Variants in HTR2C observed in about 807,000 individuals in gnomAD.
HTR2C encodes the protein 5-hydroxytryptamine (serotonin) receptor 2C, G protein-coupled.
In HTR2C, 5 loss-of-function variants were observed where a neutral mutation model predicts 21.0. The observed-to-expected ratio is 0.24, with a 90% CI of 0.12 to 0.50. The LOEUF (loss-of-function observed/expected upper bound fraction) is 0.50. Among genes scored for constraint, HTR2C ranks in the 20% least tolerant of loss-of-function variants. HTR2C has a pLI of 0.98. For missense variants in HTR2C, 271 were observed against 371.2 expected, an observed-to-expected ratio of 0.73 and a Z score of 2.22; for synonymous variants, 150 against 145.3, an observed-to-expected ratio of 1.03 and a Z score of -0.23.
chrX:114,630,038 GAA>G (rs1481970930), intron 2 of HTR2C, among the ~76,000 whole-genome samples: 2 of 105,365 alleles, frequency 1.9e-5, no homozygotes, highest in African/African-American at 6.9e-5. Flanking sequence ...ATAACCAAGA[GAA>G]AAAAAAAAGA....
In HTR2C at chrX:114,858,008, G is replaced by T. The variant is rs370537693; in HGVS notation, c.550+9805G>T. On this transcript the variant is annotated intron_variant, in intron 5 of 5. Transcript: ENST00000276198. ...CAATGGCGTCATTCTCATAAGTCAG[G>T]TTACCTTATATATGTTGTTTCTCCT... Among the ~76,000 whole-genome samples the T allele has an allele frequency of 1.5e-4, 17 of 110,923 alleles. No individual in the cohort carries two copies. The East Asian group carries it at 2.3e-3, about 15-fold the overall frequency.
At chrX:114,853,516 C>A (rs1055929973) in intron 5 of HTR2C, among the ~76,000 whole-genome samples, 3 of 111,548 alleles carry the variant, frequency 2.7e-5, no homozygotes, top group Admixed American at 9.5e-5. Context: ...GGAGTTTATT[C>A]TTGTACGTTG....
chrX:114,648,373 C>T (rs1241927650), intron 2 of HTR2C, among the ~76,000 whole-genome samples: 3 of 111,433 alleles, frequency 2.7e-5, no homozygotes, highest in East Asian at 5.7e-4. Flanking sequence ...TGGAATAACA[C>T]GTCCTGGTCT....
At chrX:114,879,372 A>C (rs2071163250) in intron 5 of HTR2C, among the ~76,000 whole-genome samples, 1 of 110,352 alleles carries the variant, frequency 9.1e-6, no homozygotes, top group South Asian at 3.7e-4. Flanking sequence ...TTTTGTAATT[A>C]AAATATATTG....
intron 4 of HTR2C, among the ~76,000 whole-genome samples, chrX:114,779,212 A>T (rs2070090945): frequency 9.0e-6 from 1 of 111,470 alleles, no homozygotes; most frequent in South Asian, 3.8e-4. Flanking sequence ...GGGAGGCTGC[A>T]GCTGATATCT....
At chrX:114,595,884 A>G (rs782195716) in intron 1 of HTR2C, among the ~76,000 whole-genome samples, 1 of 111,919 alleles carries the variant, frequency 8.9e-6, no homozygotes, top group Non-Finnish European at 1.9e-5. Context: ...TTAGCCAAAC[A>G]AAGTTTCCTT....
chrX:114,779,901 ATGTG>A (rs113113599), intron 4 of HTR2C, among the ~76,000 whole-genome samples: 18 of 106,003 alleles, frequency 1.7e-4, no homozygotes, highest in African/African-American at 6.1e-4. Context: ...GTATATGTAT[ATGTG>A]TGTGTGTGTG....
chrX:114,748,386 C>T (rs1286292942), intron 4 of HTR2C, among the ~76,000 whole-genome samples: 3 of 111,354 alleles, frequency 2.7e-5, no homozygotes, highest in African/African-American at 9.8e-5. Context: ...AAACTCTCAG[C>T]AGGTTTTTTT....
chrX:114,599,197 G>C (rs782419698), intron 1 of HTR2C, among the ~76,000 whole-genome samples: 5 of 90,499 alleles, frequency 5.5e-5, no homozygotes, highest in East Asian at 3.6e-4. Context: ...ATTATGACTT[G>C]TTCTTACTAA....
chrX:114,746,871 G>A lies in HTR2C; in HGVS notation c.349+15264G>A, dbSNP rs782590500. 4.2e-3 allele frequency among the ~76,000 whole-genome samples: 471 copies of A among 111,362 alleles called. 3 individuals are homozygous for A. The highest frequency in any genetic ancestry group is 0.014 in the African/African-American group (440 of 30,660). The stretch of plus-strand genomic sequence containing the variant: ...ATGGTGGCGGGCGCCTGTAGTCCCA[G>A]CTACTTGGGAGGCTGAGGCAGGAGA... On this transcript the variant is annotated intron_variant, in intron 4 of 5. Transcript: ENST00000276198.
At chrX:114,671,370 C>T (rs1004359878) in intron 2 of HTR2C, among the ~76,000 whole-genome samples, 1 of 111,849 alleles carries the variant, frequency 8.9e-6, no homozygotes, top group Non-Finnish European at 1.9e-5. Flanking sequence ...ATCCCAGATG[C>T]CTGATCTCCA....
intron 2 of HTR2C, among the ~76,000 whole-genome samples, chrX:114,664,318 A>G (rs1390039433): frequency 9.0e-6 from 1 of 111,195 alleles, no homozygotes; most frequent in Non-Finnish European, 1.9e-5. Flanking sequence ...TCAACCCATC[A>G]CCTAGGTATT....
At chrX:114,638,877 A>C (rs1443778910) in intron 2 of HTR2C, among the ~76,000 whole-genome samples, 1 of 108,730 alleles carries the variant, frequency 9.2e-6, no homozygotes, top group African/African-American at 3.3e-5. Flanking sequence ...ATGGCTGCAT[A>C]GTATTCCATG....
chrX:114,845,035 G>C (rs1211370057), intron 4 of HTR2C, among the ~76,000 whole-genome samples: 2 of 111,084 alleles, frequency 1.8e-5, no homozygotes, highest in Non-Finnish European at 3.8e-5. Flanking sequence ...GACAGATACA[G>C]AACATTCCAT....
chrX:114,638,397 A>G (rs1044944982), intron 2 of HTR2C, among the ~76,000 whole-genome samples: 3 of 111,736 alleles, frequency 2.7e-5, no homozygotes, highest in Non-Finnish European at 5.6e-5. Flanking sequence ...TCTTTAGGTT[A>G]GCAAGCATAT....
intron 4 of HTR2C, among the ~76,000 whole-genome samples, chrX:114,734,925 G>A (rs1217789657): frequency 9.0e-6 from 1 of 111,303 alleles, no homozygotes; most frequent in African/African-American, 3.3e-5. Flanking sequence ...ATGATTCTAT[G>A]TCTAGACAAG....
At chrX:114,827,826 G>T in intron 4 of HTR2C, among the ~76,000 whole-genome samples, 1 of 110,671 alleles carries the variant, frequency 9.0e-6, no homozygotes, top group African/African-American at 3.3e-5. Context: ...CTACCTTCTG[G>T]TTTTCATGGT....
chrX:114,750,638 G>A (rs138099549), intron 4 of HTR2C, among the ~76,000 whole-genome samples: 1,449 of 112,022 alleles, frequency 0.013, 22 homozygotes, highest in African/African-American at 0.044. Flanking sequence ...GTTGTCATCT[G>A]TAGTTTACAT....
chrX:114,609,484 G>GT (rs1166522684), intron 1 of HTR2C, among the ~76,000 whole-genome samples: 2 of 111,156 alleles, frequency 1.8e-5, no homozygotes, highest in Non-Finnish European at 3.8e-5. Flanking sequence ...TTCTCCTATG[G>GT]TTTTTTTCTG....
Sources: gnomAD v4.1 joint callset for allele counts (sites outside exome capture counted in the v4.1 genomes callset) on GRCh38, gnomAD v4.1.1 for gene constraint, MANE v1.5 for transcripts, NCBI Gene and HGNC (gene_info 2026-07-23, HGNC 2026-07-21) for gene names.